The following RNU11 variants were observed in gnomAD, a reference collection of about 807,000 sequenced individuals.
RNU11 encodes RNA, U11 small nuclear.
chr1:28,648,638 CTCGATTGCTCTGCG>C (rs1668274617), exon 1 of RNU11: 2 of 155,500 alleles, frequency 1.3e-5, no homozygotes, highest in African/African-American at 4.8e-5. Context: ...CGTAGGGCAA[CTCGATTGCTCTGCG>C]TGCGGAATCG....
At chr1:28,648,710 G>A (rs184347681) in exon 1 of RNU11, 41 of 153,808 alleles carry the variant, frequency 2.7e-4, no homozygotes, top group East Asian at 2.1e-3. Flanking sequence ...TGGGCAGCTG[G>A]TGATCGTTGG....
At chr1:28,648,732 T>G (rs919210135) in exon 1 of RNU11, 1 of 153,694 alleles carries the variant, frequency 6.5e-6, no homozygotes, top group Non-Finnish European at 1.5e-5. Context: ...CCCGGCGCCC[T>G]TTCTTTACTG....
Sources: gnomAD v4.1 joint callset for allele counts on GRCh38, gnomAD v4.1.1 for gene constraint, MANE v1.5 for transcripts, NCBI Gene and HGNC (gene_info 2026-07-23, HGNC 2026-07-21) for gene names.